Variants in EFTUD2 observed in about 807,000 individuals in gnomAD.
EFTUD2 encodes the protein 116 kDa U5 small nuclear ribonucleoprotein component.
A neutral mutation model predicts 114.3 loss-of-function variants in EFTUD2; 9 were observed. The ratio of observed to expected loss-of-function variants is 0.08; its 90% CI spans 0.05 to 0.14. The LOEUF is 0.14. Among genes scored for constraint, EFTUD2 ranks in the 10% least tolerant of loss-of-function variants. The probability of loss-of-function intolerance (pLI) is 1.00; values close to 1 mark genes in which losing one functional copy is unlikely to be tolerated. For synonymous variants in EFTUD2, 449 were observed against 462.3 expected, an observed-to-expected ratio of 0.97 and a Z score of 0.37; for missense variants, 765 against 1,241.2, an observed-to-expected ratio of 0.62 and a Z score of 5.76.
intron 1 of EFTUD2, chr17:44,896,082 T>C (rs1157900999): frequency 1.3e-5 from 2 of 152,244 alleles, no homozygotes; most frequent in Non-Finnish European, 2.9e-5. Flanking sequence ...AGGTGATACA[T>C]GATTTCAATT....
intron 4 of EFTUD2, 48 bp downstream of exon 4, chr17:44,885,208 T>C (rs756235475): frequency 2.6e-5 from 39 of 1,498,102 alleles, no homozygotes; most frequent in Non-Finnish European, 3.5e-5. Flanking sequence ...TACAAAAACA[T>C]GAACCCACAG....
chr17:44,890,741 T>G (rs1312672120), intron 2 of EFTUD2, among the ~76,000 whole-genome samples: 1 of 152,158 alleles, frequency 6.6e-6, no homozygotes, highest in African/African-American at 2.4e-5. Flanking sequence ...ACTAGGAGGC[T>G]ATAACCCTCA....
chr17:44,898,012 C>T (rs2051425095), intron 1 of EFTUD2, among the ~76,000 whole-genome samples: 1 of 152,184 alleles, frequency 6.6e-6, no homozygotes, highest in Non-Finnish European at 1.5e-5. Context: ...TTGGATTAGA[C>T]TGATACCTCC....
At chr17:44,852,719 G>A (rs974379160) in intron 25 of EFTUD2, among the ~76,000 whole-genome samples, 157 bp from the exon 26 acceptor site, 6 of 152,190 alleles carry the variant, frequency 3.9e-5, no homozygotes, top group Non-Finnish European at 7.3e-5. Context: ...AAAAGGCTCA[G>A]GGCTCTCAGT....
At chr17:44,870,254 C>T (rs963591568) in intron 11 of EFTUD2, among the ~76,000 whole-genome samples, 1 of 152,208 alleles carries the variant, frequency 6.6e-6, no homozygotes, top group African/African-American at 2.4e-5. Context: ...TTGGAATCAT[C>T]TCTGCATTAT....
At chr17:44,895,554 C>A (rs1312286414) in intron 1 of EFTUD2, among the ~76,000 whole-genome samples, 1 of 150,614 alleles carries the variant, frequency 6.6e-6, no homozygotes, top group African/African-American at 2.4e-5. Context: ...TCATTTGCAT[C>A]ATTTACAGTT....
rs1045153122 is a variant in EFTUD2, at chr17:44,894,612, T to C, written c.-4-87A>G. On this transcript the variant is annotated intron_variant, in intron 1 of 27. Transcript: ENST00000426333. ...CTCCACCTGTCTAGTCTTAGTCTTA[T>C]GGTTGGCCATACCCCTTTCACATGC... The C allele has an allele frequency of 5.0e-5, 50 of 990,126 alleles. No individual in the cohort carries two copies. The Middle Eastern group carries it at 1.0e-3, about 20-fold the overall frequency. 61.3% of individuals were successfully genotyped at this position (990,126 alleles called of 1,614,324 possible).
In EFTUD2 at chr17:44,851,220, G is replaced by T; in HGVS notation, c.*54C>A. ...ACGTCATATGAGGTCTCAGCTTCAA[G>T]TACAGGAGTTGCAGCCCACTGTAGG... On this transcript the variant is annotated 3_prime_UTR_variant, in exon 28 of 28. Transcript: ENST00000426333. The T allele has an allele frequency of 1.4e-6, 2 of 1,423,326 alleles. No individual in the cohort carries two copies. The highest frequency in any genetic ancestry group is 2.0e-6 in the Non-Finnish European group (2 of 1,007,562). The allele number at this position is 1,423,326 out of a possible 1,614,324, so 88.2% of individuals were successfully genotyped here. A position where few individuals can be genotyped will look rare whatever the true frequency, so the allele number is the denominator to read the frequency against.
intron 18 of EFTUD2, chr17:44,859,610 CTAGA>C (rs1226900943): frequency 1.9e-6 from 1 of 535,952 alleles, no homozygotes; most frequent in Non-Finnish European, 3.4e-6. Flanking sequence ...GTATTTTTGT[CTAGA>C]TAAAGACATC....
chr17:44,894,125 T>C (rs985720410), intron 2 of EFTUD2: 16 of 284,652 alleles, frequency 5.6e-5, no homozygotes, highest in Non-Finnish European at 7.9e-5. Context: ...CCTGTAATCC[T>C]AGCAGTTTGG....
chr17:44,858,173 T>G (rs1221419042), intron 19 of EFTUD2, among the ~76,000 whole-genome samples: 1 of 152,126 alleles, frequency 6.6e-6, no homozygotes, highest in Non-Finnish European at 1.5e-5. Context: ...CCAACCGCCT[T>G]GGACTTTCAA....
Position 44,862,075 on chromosome 17 carries a change from A to G in EFTUD2, c.1607+638T>C, listed in dbSNP as rs111872910. Among the ~76,000 whole-genome samples the G allele has an allele frequency of 2.0e-5, 3 of 152,290 alleles. No individual in the cohort carries two copies. The East Asian group carries it at 5.8e-4, about 29-fold the overall frequency. On this transcript the variant is annotated intron_variant, in intron 16 of 27. Transcript: ENST00000426333. ...TAAGGAACACAGGAGAGGAAATGAAAAGAGGATTAAGATGAGTAACAATGG... is the reference window on the plus strand; with the variant it reads ...TAAGGAACACAGGAGAGGAAATGAAGAGAGGATTAAGATGAGTAACAATGG...
At chr17:44,857,895 C>A (rs2050584869) in intron 19 of EFTUD2, among the ~76,000 whole-genome samples, 1 of 149,166 alleles carries the variant, frequency 6.7e-6, no homozygotes, top group African/African-American at 2.5e-5. Context: ...ATAACTTTGG[C>A]TTGGGAGCCT....
At position 44,886,658 on chromosome 17, in the gene EFTUD2, G is replaced by A. The variant is rs531623108; in HGVS notation, c.198C>T (p.Tyr66=). 6.8e-6 allele frequency: 11 copies of A among 1,614,152 alleles called. No individual in the cohort carries two copies. The East Asian group carries it at 1.6e-4, about 23-fold the overall frequency. The change falls in exon 3 of 28, where the codon TAC becomes TAT. Residue 66 remains tyrosine (Y), a synonymous_variant. Transcript: ENST00000426333. The part of the protein sequence containing the change: ...EVVLHEDKKY[Y]PTAEEVYGPE... ...GACCATACACCTCCTCGGCTGTTGG[G>A]TAGTACTTCTTGTCCTCATGCAGCA... is the stretch of plus-strand genomic sequence containing the variant.
chr17:44,857,010 GGAAGAT>G, intron 20 of EFTUD2, 59 bp downstream of exon 20: 1 of 1,359,222 alleles, frequency 7.4e-7, no homozygotes, highest in South Asian at 1.2e-5. Context: ...GGGTAGAGGT[GGAAGAT>G]AAAGGAGAGA....
chr17:44,879,156 G>A (rs916095890), intron 9 of EFTUD2, among the ~76,000 whole-genome samples: 1 of 152,136 alleles, frequency 6.6e-6, no homozygotes, highest in African/African-American at 2.4e-5. Flanking sequence ...CGCAATCTCG[G>A]CTCACTGCAA....
rs376024307 is a variant in EFTUD2, at chr17:44,850,421, C to T, written c.*853G>A. On this transcript the variant is annotated 3_prime_UTR_variant, in exon 28 of 28. Transcript: ENST00000426333. Reference sequence around the variant, plus strand: ...GGACTCCTATAGGAGCCGGGGCTGTCCAACTCCCCTAACTCAATCCCTGGT... The same window carrying T: ...GGACTCCTATAGGAGCCGGGGCTGTTCAACTCCCCTAACTCAATCCCTGGT... 286 of 1,565,898 alleles carry T rather than the reference C, an allele frequency of 1.8e-4. No homozygotes were observed. Among genetic ancestry groups the T allele is most frequent in the Non-Finnish European group, 2.4e-4 (277 of 1,138,928 alleles).
At chr17:44,859,790 C>A in intron 18 of EFTUD2, 115 bp downstream of exon 18, 1 of 1,535,344 alleles carries the variant, frequency 6.5e-7, no homozygotes, top group East Asian at 2.3e-5. Flanking sequence ...GCTCCTGACA[C>A]AGCTTCCTGT....
chr17:44,886,382 A>G (rs2051173619), intron 3 of EFTUD2, among the ~76,000 whole-genome samples: 1 of 152,224 alleles, frequency 6.6e-6, no homozygotes, highest in Admixed American at 6.5e-5. Flanking sequence ...TAAATAAGAA[A>G]TAACTCTTAT....
Sources: gnomAD v4.1 joint callset for allele counts (sites outside exome capture counted in the v4.1 genomes callset) on GRCh38, gnomAD v4.1.1 for gene constraint, MANE v1.5 for transcripts, NCBI Gene and HGNC (gene_info 2026-07-23, HGNC 2026-07-21) for gene names.